CELF2: variants seen among roughly 807,000 people sequenced by gnomAD.
CELF2 encodes CUGBP Elav-like family member 2.
CELF2 carries 8 observed loss-of-function variants against 62.6 expected under a neutral mutation model. That is an observed-to-expected ratio of 0.13 (90% CI 0.07 to 0.23). CELF2 has a LOEUF of 0.23. Among genes scored for constraint, CELF2 ranks in the 10% least tolerant of loss-of-function variants. The probability of loss-of-function intolerance (pLI) is 1.00; values close to 1 mark genes in which losing one functional copy is unlikely to be tolerated. For missense variants in CELF2, 333 were observed against 671.0 expected (o/e 0.50, Z 5.56); for synonymous variants, 258 against 250.0 (o/e 1.03, Z -0.30).
At chr10:11,262,617 T>G (rs2081003623) in intron 5 of CELF2, among the ~76,000 whole-genome samples, 1 of 152,208 alleles carries the variant, frequency 6.6e-6, no homozygotes, top group Non-Finnish European at 1.5e-5. Context: ...ATGAGTGATG[T>G]GTCTGTGCCA....
intron 9 of CELF2, among the ~76,000 whole-genome samples, chr10:11,307,414 A>G (rs73583240): frequency 0.033 from 5,028 of 152,340 alleles, 139 homozygotes; most frequent in African/African-American, 0.075. Flanking sequence ...GCAGTCATCA[A>G]CAGTTGGAGA....
intron 1 of CELF2, among the ~76,000 whole-genome samples, chr10:10,807,900 G>A (rs1407861218): frequency 6.6e-6 from 1 of 152,172 alleles, no homozygotes; most frequent in Non-Finnish European, 1.5e-5. Flanking sequence ...TCAAGGTTAT[G>A]TAAGCAATGA....
chr10:11,324,379 C>T lies in CELF2; in HGVS notation c.1295-1457C>T, dbSNP rs912270581. 3.9e-5 allele frequency among the ~76,000 whole-genome samples: 6 copies of T among 152,294 alleles called. No individual in the cohort carries two copies. The highest frequency in any genetic ancestry group is 1.3e-4 in the Admixed American group (2 of 15,308). ...CACACACAGCAGTGCTCAGAACATC[C>T]CTTTCCAGTGTTTCAGGTTTTGCAT... On this transcript the variant is annotated intron_variant, in intron 11 of 12. Transcript: ENST00000633077. This position sits in a 1 kb window ranked among gnomAD's most constrained non-coding sequence, Gnocchi z 4.7.
At chr10:11,037,986 G>A (rs570169377) in intron 1 of CELF2, among the ~76,000 whole-genome samples, 1 of 151,952 alleles carries the variant, frequency 6.6e-6, no homozygotes, top group Non-Finnish European at 1.5e-5. Flanking sequence ...AAAAAAAACA[G>A]TGATTTTAGT....
At chr10:11,240,003 C>T (rs968745849) in intron 3 of CELF2, among the ~76,000 whole-genome samples, 3 of 152,116 alleles carry the variant, frequency 2.0e-5, no homozygotes, top group East Asian at 1.9e-4. Flanking sequence ...AGTGAGCTAA[C>T]GTCATGCCAT....
intron 1 of CELF2, among the ~76,000 whole-genome samples, chr10:10,898,691 A>G (rs1054985509): frequency 1.3e-5 from 2 of 152,250 alleles, no homozygotes. Context: ...ATTCCTCATC[A>G]ATAATTGATA....
At chr10:10,900,516 T>C (rs1004201902) in intron 1 of CELF2, among the ~76,000 whole-genome samples, 6 of 152,128 alleles carry the variant, frequency 3.9e-5, no homozygotes, top group Admixed American at 2.6e-4. Context: ...CATTCATTCT[T>C]GATAAAGAAT....
At chr10:11,090,347 G>A (rs1391066517) in intron 1 of CELF2, among the ~76,000 whole-genome samples, 1 of 152,108 alleles carries the variant, frequency 6.6e-6, no homozygotes, top group Admixed American at 6.5e-5. Flanking sequence ...CCAGATTGAA[G>A]GACTTATTTT....
intron 3 of CELF2, among the ~76,000 whole-genome samples, chr10:11,218,525 T>C (rs556666331): frequency 7.2e-4 from 110 of 152,304 alleles, no homozygotes; most frequent in African/African-American, 2.5e-3. Context: ...TCGTTCACAA[T>C]ACAAGATCGT....
chr10:10,830,279 T>TTAA (rs371068353), intron 1 of CELF2, among the ~76,000 whole-genome samples: 1 of 122,542 alleles, frequency 8.2e-6, no homozygotes, highest in Non-Finnish European at 1.7e-5. Flanking sequence ...GGAGTTCCTT[T>TTAA]AAAAAAAAAA....
chr10:10,544,552 A>C, the CELF2 span, among the ~76,000 whole-genome samples: 13 of 152,380 alleles, frequency 8.5e-5, no homozygotes, highest in African/African-American at 3.1e-4. Context: ...TTCAAGTAAA[A>C]ATATTCCATG....
At chr10:10,982,853 G>T (rs2052305565) in intron 2 of CELF2, among the ~76,000 whole-genome samples, 1 of 150,766 alleles carries the variant, frequency 6.6e-6, no homozygotes. Context: ...AGGTGAATTT[G>T]GTTTTGAAGT....
the CELF2 span, among the ~76,000 whole-genome samples, chr10:10,676,335 C>A: frequency 6.6e-6 from 1 of 152,156 alleles, no homozygotes; most frequent in Non-Finnish European, 1.5e-5. Flanking sequence ...TAGAGTTGAA[C>A]TTTTTCCCTT....
chr10:10,808,633 G>GAA (rs2055497415), intron 1 of CELF2, among the ~76,000 whole-genome samples: 1 of 152,146 alleles, frequency 6.6e-6, no homozygotes. Context: ...GAATTTAAAA[G>GAA]TAAATACAGG....
intron 2 of CELF2, among the ~76,000 whole-genome samples, chr10:11,212,928 C>A (rs2062292919): frequency 6.6e-6 from 1 of 152,102 alleles, no homozygotes; most frequent in Non-Finnish European, 1.5e-5. Context: ...TGAATCGTCC[C>A]ATGCAGGTGC....
chr10:11,066,920 G>T (rs1332520975), intron 1 of CELF2, among the ~76,000 whole-genome samples: 1 of 152,160 alleles, frequency 6.6e-6, no homozygotes, highest in East Asian at 1.9e-4. Context: ...GCTGTCGGTT[G>T]TAAACAGCAC....
At chr10:10,826,964 G>T (rs2057440813) in intron 1 of CELF2, among the ~76,000 whole-genome samples, 2 of 152,188 alleles carry the variant, frequency 1.3e-5, no homozygotes, top group Non-Finnish European at 2.9e-5. Flanking sequence ...GGAATAAAAT[G>T]CAGTGTTGTG....
At chr10:10,812,736 T>C (rs2056050494) in intron 1 of CELF2, among the ~76,000 whole-genome samples, 1 of 152,196 alleles carries the variant, frequency 6.6e-6, no homozygotes, top group South Asian at 2.1e-4. Flanking sequence ...ACACTGAATC[T>C]AAACCTCAGA....
chr10:11,132,737 C>G (rs972223333), intron 1 of CELF2, among the ~76,000 whole-genome samples: 1 of 152,156 alleles, frequency 6.6e-6, no homozygotes, highest in Non-Finnish European at 1.5e-5. Flanking sequence ...AAAAGTGACA[C>G]AGTGTTACAT....
Sources: gnomAD v4.1 joint callset for allele counts (sites outside exome capture counted in the v4.1 genomes callset) on GRCh38, gnomAD v4.1.1 for gene constraint, Gnocchi (gnomAD v3.1) non-coding constraint, MANE v1.5 for transcripts, NCBI Gene and HGNC (gene_info 2026-07-23, HGNC 2026-07-21) for gene names.